GDE1: variants seen among roughly 807,000 people sequenced by gnomAD.
GDE1 encodes RGS16-interacting membrane protein.
In GDE1, 24 loss-of-function variants were observed where a neutral mutation model predicts 32.2. The observed-to-expected ratio is 0.75, with a 90% CI of 0.54 to 1.05. The LOEUF (loss-of-function observed/expected upper bound fraction) is 1.05, where lower values mean the gene tolerates loss of function less well. Among genes scored for constraint, GDE1 ranks in the 50% least tolerant of loss-of-function variants. GDE1 has a pLI of 0.00. For synonymous variants in GDE1, 159 were observed against 158.6 expected, an observed-to-expected ratio of 1.00 and a Z score of -0.02; for missense variants, 380 against 415.0, an observed-to-expected ratio of 0.92 and a Z score of 0.73.
At position 19,503,205 on chromosome 16, in the gene GDE1, TGC is replaced by T. The variant is rs1969200644; in HGVS notation, c.*263_*264del. 1 of 462,420 alleles carries T rather than the reference TGC, an allele frequency of 2.2e-6. No homozygotes were observed. The allele number at this position is 462,420 out of a possible 1,614,324, so 28.6% of individuals were successfully genotyped here. ...CTTATCCTCACTGGGTCTCCCTGTG[TGC>T]CTCAGCTAGGGCAGGGCAGGGGCTC... On this transcript the variant is annotated 3_prime_UTR_variant, in exon 6 of 6. Transcript: ENST00000353258.
intron 4 of GDE1, among the ~76,000 whole-genome samples, chr16:19,506,824 T>C (rs1432436228): frequency 6.6e-6 from 1 of 152,108 alleles, no homozygotes; most frequent in Non-Finnish European, 1.5e-5. Context: ...AATGGCATTG[T>C]GGCTATGTTT....
In GDE1 at chr16:19,517,003, A is replaced by G. The variant is rs1969388331; in HGVS notation, c.437+11T>C. 6.2e-7 allele frequency: 1 copy of G among 1,612,076 alleles called. No homozygotes were observed. The highest frequency in any genetic ancestry group is 8.5e-7 in the Non-Finnish European group (1 of 1,178,274). ...CTAAAAGATCTGTTTAAGTGACAATAAACTACTTACCTGAGTCTGTGGTTT... is the reference window on the plus strand; with the variant it reads ...CTAAAAGATCTGTTTAAGTGACAATGAACTACTTACCTGAGTCTGTGGTTT... On this transcript the variant is annotated intron_variant, in intron 2 of 5. Coordinates refer to ENST00000353258, the MANE Select transcript of GDE1 (RefSeq NM_016641.4).
chr16:19,504,929 T>C lies in GDE1; in HGVS notation c.800A>G (p.Tyr267Cys), dbSNP rs757643915. Reference protein sequence around the residue: ...LDWSMHNILWYLCGISAFLMQ... With the variant: ...LDWSMHNILWCLCGISAFLMQ... ...GAGGAAAGCTGAAATTCCACACAGG[T>C]ACCACAAGATATTATGCATGCTCCA... The change falls in exon 5 of 6, where the codon TAC (tyrosine) becomes TGC (cysteine). Residue 267 changes from tyrosine to cysteine, a missense_variant. Transcript: ENST00000353258. 3 of 1,613,716 alleles carry C rather than the reference T, an allele frequency of 1.9e-6. No individual in the cohort carries two copies. The highest frequency in any genetic ancestry group is 2.5e-6 in the Non-Finnish European group (3 of 1,179,632).
chr16:19,516,586 ACT>A (rs1969383360), intron 2 of GDE1, among the ~76,000 whole-genome samples: 1 of 152,160 alleles, frequency 6.6e-6, no homozygotes, highest in African/African-American at 2.4e-5. Context: ...TTTCTAGGAT[ACT>A]CTCTATTCCT....
At chr16:19,511,403 C>T (rs1969317369) in intron 2 of GDE1, among the ~76,000 whole-genome samples, 1 of 152,198 alleles carries the variant, frequency 6.6e-6, no homozygotes, top group South Asian at 2.1e-4. Flanking sequence ...TGCGCCTGTC[C>T]TACTGTAATA....
At chr16:19,507,598 T>C in intron 4 of GDE1, 89 bp downstream of exon 4, 1 of 744,098 alleles carries the variant, frequency 1.3e-6, no homozygotes, top group South Asian at 1.5e-5. Context: ...CAGTTCAATT[T>C]AATAGGCATC....
At position 19,510,904 on chromosome 16, in the gene GDE1, C is replaced by G. The variant is rs779978539; in HGVS notation, c.478G>C (p.Ala160Pro). 6.2e-7 allele frequency: 1 copy of G among 1,602,764 alleles called. No individual in the cohort carries two copies. Among genetic ancestry groups the G allele is most frequent in the East Asian group, 2.2e-5 (1 of 44,568 alleles). Residue 160 changes from alanine to proline, a missense_variant, in exon 3 of 6, where the codon GCT (alanine) becomes CCT (proline). Coordinates refer to ENST00000353258, the MANE Select transcript of GDE1 (RefSeq NM_016641.4). ...PDEKIPTLRE[A>P]VAECLNHNLT... The stretch of plus-strand genomic sequence containing the variant: ...TTATGGTTTAGGCACTCTGCAACAG[C>G]TTCCCTTAGGGTAGGGATCTTTTCA...
chr16:19,510,142 G>A (rs1177635951), intron 3 of GDE1, among the ~76,000 whole-genome samples: 2 of 152,132 alleles, frequency 1.3e-5, no homozygotes, highest in Non-Finnish European at 2.9e-5. Context: ...GAGAACAAAT[G>A]TAATCAGAAT....
Position 19,503,458 on chromosome 16 carries a change from C to T in GDE1, c.*12G>A. The T allele has an allele frequency of 6.2e-7, 1 of 1,612,602 alleles. No individual in the cohort carries two copies. Among genetic ancestry groups the T allele is most frequent in the South Asian group, 1.1e-5 (1 of 91,020 alleles). ...GGCAGTTTCTGAACCCGTTTCGTCC[C>T]ACCGTGAAAGTCTAGAAGTGAGGTT... On this transcript the variant is annotated 3_prime_UTR_variant, in exon 6 of 6. Transcript: ENST00000353258.
At chr16:19,521,669 G>A (rs763060690) in intron 1 of GDE1, 35 bp downstream of exon 1, 102 of 1,602,818 alleles carry the variant, frequency 6.4e-5, no homozygotes, top group Non-Finnish European at 8.3e-5. Context: ...CCGAGCTCTC[G>A]GGAGGACCGA....
chr16:19,517,572 C>T (rs561734790), intron 1 of GDE1, among the ~76,000 whole-genome samples: 19 of 152,152 alleles, frequency 1.2e-4, no homozygotes, highest in East Asian at 1.9e-4. Context: ...GATCACCCTA[C>T]GGTTGTTGAT....
At chr16:19,509,072 T>G (rs1458149000) in intron 3 of GDE1, among the ~76,000 whole-genome samples, 1 of 152,146 alleles carries the variant, frequency 6.6e-6, no homozygotes, top group Non-Finnish European at 1.5e-5. Flanking sequence ...GAGGCCAAGG[T>G]GGGCGGATCA....
At chr16:19,503,654 A>T in intron 5 of GDE1, 37 bp from the exon 6 acceptor site, 1 of 1,587,254 alleles carries the variant, frequency 6.3e-7, no homozygotes, top group South Asian at 1.1e-5. Context: ...TTAGAATAAT[A>T]AGCAGCTGTC....
intron 4 of GDE1, 116 bp downstream of exon 4, chr16:19,507,571 C>A: frequency 1.5e-6 from 1 of 663,430 alleles, no homozygotes; most frequent in South Asian, 1.8e-5. Flanking sequence ...AGGAGCTTCT[C>A]AACTGTGACC....
intron 5 of GDE1, chr16:19,504,653 C>T: frequency 4.3e-6 from 2 of 468,416 alleles, no homozygotes; most frequent in African/African-American, 2.0e-5. Flanking sequence ...CATTTTTTTT[C>T]TTCAAAATAC....
chr16:19,521,768 G>A lies in GDE1; in HGVS notation c.197C>T (p.Ser66Phe), dbSNP rs184246535. The A allele has an allele frequency of 3.7e-6, 6 of 1,612,096 alleles. No homozygotes were observed. The highest frequency in any genetic ancestry group is 5.1e-6 in the Non-Finnish European group (6 of 1,179,614). Residue 66 changes from serine (S) to phenylalanine (F), a missense_variant, in exon 1 of 6, where the codon TCT becomes TTT. Transcript: ENST00000353258. Reference sequence around the variant, plus strand: ...GCTGCCGCCACGGTGGGCGATGGCAGAAATGCGGTCCCGGGGCTTGAGCAC... The same window carrying A: ...GCTGCCGCCACGGTGGGCGATGGCAAAAATGCGGTCCCGGGGCTTGAGCAC... ...LQVLKPRDRI[S>F]AIAHRGGSHD...
intron 1 of GDE1, 27 bp downstream of exon 1, chr16:19,521,677 C>A: frequency 6.2e-7 from 1 of 1,606,050 alleles, no homozygotes; most frequent in South Asian, 1.1e-5. Flanking sequence ...TCGGGAGGAC[C>A]GAGGGGCGCG....
At chr16:19,509,921 G>C (rs539955863) in intron 3 of GDE1, among the ~76,000 whole-genome samples, 1 of 152,080 alleles carries the variant, frequency 6.6e-6, no homozygotes, top group Admixed American at 6.6e-5. Context: ...AAAGTGCTGG[G>C]ATTACAGGTG....
chr16:19,520,410 A>G (rs1275689091), intron 1 of GDE1, among the ~76,000 whole-genome samples: 1 of 140,702 alleles, frequency 7.1e-6, no homozygotes, highest in Non-Finnish European at 1.5e-5. Context: ...AAAAAAAAGA[A>G]AAAAAAAAAG....
Sources: allele counts gnomAD v4.1 joint callset (sites outside exome capture counted in the v4.1 genomes callset), GRCh38; gene constraint gnomAD v4.1.1; transcripts MANE v1.5; gene names NCBI Gene and HGNC (gene_info 2026-07-23, HGNC 2026-07-21).